The following PCCA variants were observed in gnomAD, a reference collection of about 807,000 sequenced individuals.
PCCA encodes propionyl-CoA carboxylase subunit alpha.
In PCCA, 74 loss-of-function variants were observed where a neutral mutation model predicts 101.3. The observed-to-expected ratio is 0.73, with a 90% CI of 0.61 to 0.89. PCCA has a LOEUF of 0.89. Among genes scored for constraint, PCCA ranks in the 40% least tolerant of loss-of-function variants. PCCA has a pLI of 0.00. For missense variants in PCCA, 891 were observed against 907.0 expected (o/e 0.98, Z 0.23); for synonymous variants, 294 against 313.6 (o/e 0.94, Z 0.66).
At chr13:100,094,848 A>G (rs1198622624) in intron 1 of PCCA, among the ~76,000 whole-genome samples, 1 of 152,178 alleles carries the variant, frequency 6.6e-6, no homozygotes, top group Non-Finnish European at 1.5e-5. Flanking sequence ...TCGGCCTCCC[A>G]AAGTGCTGGG....
intron 4 of PCCA, among the ~76,000 whole-genome samples, chr13:100,123,484 A>G (rs1373906346): frequency 6.6e-6 from 1 of 152,350 alleles, no homozygotes; most frequent in South Asian, 2.1e-4. Context: ...CGTAGAAGCA[A>G]TGGAAATGAT....
chr13:100,169,244 C>G (rs1249839675), intron 6 of PCCA, among the ~76,000 whole-genome samples: 1 of 128,750 alleles, frequency 7.8e-6, no homozygotes. Context: ...CAGTTTGAGA[C>G]CAACCTGGCC....
intron 16 of PCCA, among the ~76,000 whole-genome samples, chr13:100,315,141 A>G (rs914243064): frequency 6.6e-6 from 1 of 152,170 alleles, no homozygotes; most frequent in Non-Finnish European, 1.5e-5. Context: ...AATAAATGTG[A>G]TAAGATGTTA....
chr13:100,095,541 T>C (rs2046689697), intron 1 of PCCA, among the ~76,000 whole-genome samples: 1 of 152,184 alleles, frequency 6.6e-6, no homozygotes, highest in Non-Finnish European at 1.5e-5. Context: ...GAGTTGGGGA[T>C]GTTACCTAAT....
At chr13:100,239,268 A>G (rs143463709) in intron 8 of PCCA, among the ~76,000 whole-genome samples, 56 of 152,348 alleles carry the variant, frequency 3.7e-4, no homozygotes, top group Admixed American at 9.1e-4. Context: ...TCACAGAACT[A>G]TCGAGTGGTG....
chr13:100,147,010 T>TAAAAAAA (rs36028025), intron 4 of PCCA, among the ~76,000 whole-genome samples: 1 of 140,986 alleles, frequency 7.1e-6, no homozygotes. Flanking sequence ...GGTAGAATTC[T>TAAAAAAA]AAAAAAAAAA....
At chr13:100,142,055 T>C (rs1266030487) in intron 4 of PCCA, among the ~76,000 whole-genome samples, 1 of 150,570 alleles carries the variant, frequency 6.6e-6, no homozygotes, top group Non-Finnish European at 1.5e-5. Context: ...TTCTGATCTT[T>C]TTATTATATA....
chr13:100,363,140 AC>A (rs1462150940), intron 18 of PCCA, among the ~76,000 whole-genome samples: 1 of 152,202 alleles, frequency 6.6e-6, no homozygotes, highest in Non-Finnish European at 1.5e-5. Flanking sequence ...TTAAAAAACT[AC>A]TAAAACTTGT....
intron 4 of PCCA, among the ~76,000 whole-genome samples, chr13:100,135,619 AT>A (rs200914964): frequency 4.6e-5 from 7 of 150,706 alleles, no homozygotes; most frequent in Non-Finnish European, 7.4e-5. Context: ...AGACAGTTCG[AT>A]TTTTTTTTCT....
intron 22 of PCCA, among the ~76,000 whole-genome samples, chr13:100,525,830 G>A (rs1313386042): frequency 6.6e-6 from 1 of 152,226 alleles, no homozygotes; most frequent in Non-Finnish European, 1.5e-5. Flanking sequence ...GTGGGTGTTT[G>A]GGAGGCCGGC....
chr13:100,278,755 G>A (rs1446176641), intron 12 of PCCA, among the ~76,000 whole-genome samples: 1 of 152,172 alleles, frequency 6.6e-6, no homozygotes, highest in Non-Finnish European at 1.5e-5. Context: ...TGGTATTACA[G>A]GCGTGAGCCT....
chr13:100,233,969 A>T (rs2152518930), intron 7 of PCCA, among the ~76,000 whole-genome samples: 1 of 152,334 alleles, frequency 6.6e-6, no homozygotes, highest in South Asian at 2.1e-4. Flanking sequence ...AATATGTCTA[A>T]TGAATTTTTG....
intron 19 of PCCA, among the ~76,000 whole-genome samples, chr13:100,417,143 T>G (rs954091263): frequency 6.6e-6 from 1 of 152,220 alleles, no homozygotes; most frequent in Non-Finnish European, 1.5e-5. Flanking sequence ...GTGCCCGGCC[T>G]GTCATGTGTA....
At chr13:100,120,650 A>G (rs1239790559) in intron 4 of PCCA, among the ~76,000 whole-genome samples, 1 of 152,204 alleles carries the variant, frequency 6.6e-6, no homozygotes, top group Non-Finnish European at 1.5e-5. Flanking sequence ...GGCTATAGGG[A>G]AGCAGTATAA....
At chr13:100,386,404 C>A (rs909861032) in intron 19 of PCCA, among the ~76,000 whole-genome samples, 1 of 152,036 alleles carries the variant, frequency 6.6e-6, no homozygotes, top group East Asian at 1.9e-4. Flanking sequence ...GACGGAATCT[C>A]GCTCTGTAGC....
At chr13:100,361,741 G>A (rs951997501) in intron 18 of PCCA, among the ~76,000 whole-genome samples, 4 of 152,194 alleles carry the variant, frequency 2.6e-5, no homozygotes, top group East Asian at 1.9e-4. Flanking sequence ...GAATTAGAAA[G>A]ACTGACAATG....
intron 19 of PCCA, among the ~76,000 whole-genome samples, chr13:100,423,893 A>G (rs2078980075): frequency 6.6e-6 from 1 of 152,170 alleles, no homozygotes; most frequent in South Asian, 2.1e-4. Context: ...AGTCTTCCTG[A>G]GGCTTTGCTA....
intron 6 of PCCA, among the ~76,000 whole-genome samples, chr13:100,205,427 A>G (rs1011046967): frequency 6.6e-6 from 1 of 152,318 alleles, no homozygotes; most frequent in Non-Finnish European, 1.5e-5. Context: ...AAACACATTG[A>G]TAAAAAGGAA....
intron 15 of PCCA, among the ~76,000 whole-genome samples, chr13:100,308,939 C>G (rs2066684678): frequency 6.6e-6 from 1 of 152,142 alleles, no homozygotes; most frequent in Non-Finnish European, 1.5e-5. Flanking sequence ...TAAGTAGGCA[C>G]TAAATCATGT....
Sources: gnomAD v4.1 joint callset for allele counts (sites outside exome capture counted in the v4.1 genomes callset) on GRCh38, gnomAD v4.1.1 for gene constraint, MANE v1.5 for transcripts, NCBI Gene and HGNC (gene_info 2026-07-23, HGNC 2026-07-21) for gene names.